THSD7A: variants seen among roughly 807,000 people sequenced by gnomAD.
THSD7A encodes the protein thrombospondin type-1 domain-containing protein 7A.
THSD7A carries 96 observed loss-of-function variants against 231.3 expected under a neutral mutation model. That is an observed-to-expected ratio of 0.41 (90% CI 0.35 to 0.49). The LOEUF (loss-of-function observed/expected upper bound fraction) is 0.49, where lower values mean the gene tolerates loss of function less well. THSD7A is among the 20% of genes least tolerant of loss of function. THSD7A has a pLI of 0.05. For missense variants in THSD7A, 2,290 were observed against 2,070.2 expected (o/e 1.11, Z -2.06); for synonymous variants, 940 against 743.3 (o/e 1.26, Z -4.30).
At chr7:11,616,856 C>T (rs1270271673) in intron 2 of THSD7A, among the ~76,000 whole-genome samples, 1 of 152,128 alleles carries the variant, frequency 6.6e-6, no homozygotes, top group African/African-American at 2.4e-5. Context: ...ATTACTAAAT[C>T]GTAACTGTGA....
chr7:11,615,557 A>G (rs962511391), intron 2 of THSD7A, among the ~76,000 whole-genome samples: 6 of 152,194 alleles, frequency 3.9e-5, no homozygotes, highest in Non-Finnish European at 7.3e-5. Flanking sequence ...TAGTTTTCTA[A>G]TGAATTCACC....
chr7:11,488,606 T>C (rs17632387), intron 6 of THSD7A, among the ~76,000 whole-genome samples: 12,957 of 152,130 alleles, frequency 0.085, 611 homozygotes, highest in Admixed American at 0.1. Context: ...ATTTTACAAA[T>C]CTCGAATCCA....
chr7:11,610,679 C>T (rs1261511031), intron 2 of THSD7A, among the ~76,000 whole-genome samples: 3 of 152,036 alleles, frequency 2.0e-5, no homozygotes, highest in Non-Finnish European at 2.9e-5. Flanking sequence ...TTCTCAAAGG[C>T]TTCAAAGGCT....
chr7:11,436,535 A>G (rs1784638343), intron 13 of THSD7A, among the ~76,000 whole-genome samples: 1 of 152,080 alleles, frequency 6.6e-6, no homozygotes, highest in Admixed American at 6.6e-5. Context: ...TGACTCAGAT[A>G]CTGCATTCCC....
chr7:11,732,814 T>C (rs1389692982), intron 1 of THSD7A, among the ~76,000 whole-genome samples: 1 of 151,850 alleles, frequency 6.6e-6, no homozygotes, highest in African/African-American at 2.4e-5. Flanking sequence ...AGATGATTCA[T>C]TTTCAAAGTT....
intron 1 of THSD7A, among the ~76,000 whole-genome samples, chr7:11,642,299 A>G (rs1782115510): frequency 6.6e-6 from 1 of 152,116 alleles, no homozygotes; most frequent in Admixed American, 6.6e-5. Context: ...AAGAATTATC[A>G]TTGGTTCAAA....
At chr7:11,522,340 T>C (rs531097448) in intron 6 of THSD7A, among the ~76,000 whole-genome samples, 1 of 152,288 alleles carries the variant, frequency 6.6e-6, no homozygotes, top group East Asian at 1.9e-4. Flanking sequence ...TTCACCTAAT[T>C]AGGAAATAGT....
At chr7:11,551,035 C>T (rs1789607316) in intron 4 of THSD7A, among the ~76,000 whole-genome samples, 1 of 151,938 alleles carries the variant, frequency 6.6e-6, no homozygotes, top group Non-Finnish European at 1.5e-5. Flanking sequence ...ATTCCAGAAA[C>T]AAAGTCACAC....
chr7:11,530,072 G>A (rs1788638881), intron 6 of THSD7A, among the ~76,000 whole-genome samples: 1 of 152,182 alleles, frequency 6.6e-6, no homozygotes, highest in African/African-American at 2.4e-5. Context: ...TGTGAACCTA[G>A]AGTCAGTGCT....
chr7:11,515,855 C>G (rs1323144428), intron 6 of THSD7A, among the ~76,000 whole-genome samples: 1 of 152,138 alleles, frequency 6.6e-6, no homozygotes, highest in Non-Finnish European at 1.5e-5. Context: ...TGAGAAGAAA[C>G]AAGGAGTACT....
chr7:11,472,449 A>G (rs1785974999), intron 8 of THSD7A, among the ~76,000 whole-genome samples: 1 of 152,172 alleles, frequency 6.6e-6, no homozygotes, highest in African/African-American at 2.4e-5. Context: ...ACTGAATTTA[A>G]CCTAGCATGT....
chr7:11,502,723 A>G (rs1787387759), intron 6 of THSD7A, among the ~76,000 whole-genome samples: 1 of 152,136 alleles, frequency 6.6e-6, no homozygotes, highest in Non-Finnish European at 1.5e-5. Context: ...ACACACACAC[A>G]AAATACCTAG....
chr7:11,429,016 A>G lies in THSD7A; in HGVS notation c.3174T>C (p.Arg1058=), dbSNP rs745372010. ...SKSCGSGVKV[R]SKWLREKPYN... is the part of the protein sequence containing the mutation. ...ATGGTTTTTCACGCAGCCATTTAGA[A>G]CGAACCTTCACACCACTCCCACAGG... is the stretch of plus-strand genomic sequence containing the variant. Residue 1058 remains arginine, a synonymous_variant, in exon 14 of 28, where the codon CGT becomes CGC. Coordinates refer to ENST00000423059, the MANE Select transcript of THSD7A (RefSeq NM_015204.3). 3 of 1,613,216 alleles carry G rather than the reference A, an allele frequency of 1.9e-6. No individual in the cohort carries two copies. The highest frequency in any genetic ancestry group is 2.5e-6 in the Non-Finnish European group (3 of 1,179,536).
chr7:11,431,537 A>G (rs151082348), intron 13 of THSD7A, among the ~76,000 whole-genome samples: 2 of 152,270 alleles, frequency 1.3e-5, no homozygotes, highest in South Asian at 2.1e-4. Context: ...TGTAAATTCT[A>G]TTCCATTTAT....
chr7:11,424,276 C>T (rs1055679020), intron 16 of THSD7A, among the ~76,000 whole-genome samples: 2 of 152,112 alleles, frequency 1.3e-5, no homozygotes, highest in African/African-American at 2.4e-5. Flanking sequence ...ACGCAGGAAC[C>T]AGCTGGGGGC....
At chr7:11,494,448 T>C (rs540066192) in intron 6 of THSD7A, among the ~76,000 whole-genome samples, 2 of 152,084 alleles carry the variant, frequency 1.3e-5, no homozygotes, top group East Asian at 3.9e-4. Flanking sequence ...TAAATCAGCC[T>C]ATGACTAAAG....
In THSD7A at chr7:11,632,897, G is replaced by T. The variant is rs941248532; in HGVS notation, c.1022+3233C>A. ...TGTGTTTTCTGTTTTAATTTTTCTG[G>T]TTCTATCTTCAGGAACATCAGCGTT... On this transcript the variant is annotated intron_variant, in intron 2 of 27. Coordinates refer to ENST00000423059, the MANE Select transcript of THSD7A (RefSeq NM_015204.3). The surrounding 1 kb of genome is among the most constrained non-coding windows in gnomAD (Gnocchi z 4.1). Among the ~76,000 whole-genome samples, 1 of 151,954 alleles carries T rather than the reference G, an allele frequency of 6.6e-6. No individual in the cohort carries two copies. Among genetic ancestry groups the T allele is most frequent in the Non-Finnish European group, 1.5e-5 (1 of 67,980 alleles).
At chr7:11,673,202 G>A (rs988989492) in intron 1 of THSD7A, among the ~76,000 whole-genome samples, 2 of 152,084 alleles carry the variant, frequency 1.3e-5, no homozygotes, top group Admixed American at 6.6e-5. Context: ...TTGGACGTAA[G>A]GAAGAGGTGA....
chr7:11,806,995 AAT>A (rs147542391), intron 1 of THSD7A, among the ~76,000 whole-genome samples: 7 of 149,664 alleles, frequency 4.7e-5, no homozygotes, highest in African/African-American at 4.9e-5. Flanking sequence ...TCTCTCTCTA[AAT>A]ATATATATAT....
Sources: allele counts gnomAD v4.1 joint callset (sites outside exome capture counted in the v4.1 genomes callset), GRCh38; gene constraint gnomAD v4.1.1; non-coding constraint Gnocchi (gnomAD v3.1); transcripts MANE v1.5; gene names NCBI Gene and HGNC (gene_info 2026-07-23, HGNC 2026-07-21).